SLC1A6: variants seen among roughly 807,000 people sequenced by gnomAD.
The protein encoded by SLC1A6 is solute carrier family 1 member 6.
Under a neutral mutation model 42.1 loss-of-function variants are expected in SLC1A6, and 15 were observed. The observed-to-expected ratio is 0.36, with a 90% CI of 0.24 to 0.55. SLC1A6 has a LOEUF of 0.55. Among genes scored for constraint, SLC1A6 ranks in the 20% least tolerant of loss-of-function variants. The pLI, the probability that SLC1A6 is intolerant of heterozygous loss-of-function variation, is 0.88. For synonymous variants in SLC1A6, 317 were observed against 319.7 expected, an observed-to-expected ratio of 0.99 and a Z score of 0.09; for missense variants, 542 against 772.5, an observed-to-expected ratio of 0.70 and a Z score of 3.54.
At chr19:14,987,848 C>T (rs73514057) in intron 1 of SLC1A6, among the ~76,000 whole-genome samples, 25,454 of 152,032 alleles carry the variant, frequency 0.17, 3,085 homozygotes, top group African/African-American at 0.34. Flanking sequence ...TCGGTTTTGG[C>T]TTTTTTATTT....
rs185845961 is a variant in SLC1A6 at position 14,996,717 on chromosome 19, G to A, written c.6+13768C>T. On this transcript the variant is annotated intron_variant, in intron 1 of 8. Transcript: ENST00000430939. ...CTTCATCTTACTGCTCCACTCTCCTGGCTCTTAGCCTGGTGCCTGACACAG... is the reference window on the plus strand; with the variant it reads ...CTTCATCTTACTGCTCCACTCTCCTAGCTCTTAGCCTGGTGCCTGACACAG... Among the ~76,000 whole-genome samples, 389 of 152,068 alleles carry A rather than the reference G, an allele frequency of 2.6e-3. 3 individuals carry two copies. The highest frequency in any genetic ancestry group is 4.7e-3 in the Non-Finnish European group (320 of 67,996).
intron 1 of SLC1A6, among the ~76,000 whole-genome samples, chr19:15,000,236 C>T (rs1005444159): frequency 9.9e-5 from 15 of 152,064 alleles, no homozygotes; most frequent in African/African-American, 3.6e-4. Flanking sequence ...CAGGATGTAA[C>T]CTTATCATAA....
chr19:14,993,328 C>T (rs747544518), intron 1 of SLC1A6, among the ~76,000 whole-genome samples: 2 of 151,860 alleles, frequency 1.3e-5, no homozygotes, highest in African/African-American at 4.8e-5. Context: ...AGAGGGTTTC[C>T]TTCTGGGGGG....
intron 1 of SLC1A6, among the ~76,000 whole-genome samples, chr19:15,010,148 T>C (rs992654098): frequency 2.4e-4 from 33 of 135,950 alleles, no homozygotes; most frequent in Middle Eastern, 9.2e-3. Context: ...CTCGCACCAC[T>C]GCACTCCAGC....
Position 14,991,840 on chromosome 19 carries a change from CT to C in SLC1A6, c.6+18644del, listed in dbSNP as rs887859176. Among the ~76,000 whole-genome samples the C allele has an allele frequency of 6.7e-3, 735 of 110,074 alleles. 6 individuals are homozygous for C. Among genetic ancestry groups the C allele is most frequent in the African/African-American group, 0.023 (641 of 28,188 alleles). The allele number at this position is 110,074 out of a possible 152,430, so 72.2% of individuals were successfully genotyped here. ...TTCCTACTTTTCCTTCTGCTTTTTT[CT>C]TTTTTTTTTTTTTCTAGAGGGAGTC... On this transcript the variant is annotated intron_variant, in intron 1 of 8. Transcript: ENST00000430939.
Position 14,956,664 on chromosome 19 carries a change from C to T in SLC1A6, c.981G>A (p.Leu327=), listed in dbSNP as rs780980637. ...GILFLIAGKI[L]EMEDMAVLGG... ...CCAGGACGGCCATGTCTTCCATCTC[C>T]AGAATCTTCCCAGCAATCAGGAACA... The change falls in exon 7 of 10, where the codon CTG becomes CTA. Residue 327 remains leucine (L), a synonymous_variant. Transcript: ENST00000594383. 1 of 1,613,872 alleles carries T rather than the reference C, an allele frequency of 6.2e-7. No individual in the cohort carries two copies. Among genetic ancestry groups the T allele is most frequent in the African/African-American group, 1.3e-5 (1 of 75,002 alleles).
rs993487319 is a variant in SLC1A6 at position 14,979,050 on chromosome 19, T to TCTCTCTCTCTCACACATACA, written c.-8+258_-8+259insTGTATGTGTGAGAGAGAGAG. Among the ~76,000 whole-genome samples the TCTCTCTCTCTCACACATACA allele has an allele frequency of 6.9e-5, 9 of 131,298 alleles. No homozygotes were observed. Among genetic ancestry groups the TCTCTCTCTCTCACACATACA allele is most frequent in the African/African-American group, 2.6e-4 (9 of 35,118 alleles). 86.1% of individuals were successfully genotyped at this position (131,298 alleles called of 152,430 possible). On this transcript the variant is annotated intron_variant, in intron 1 of 9. Transcript: ENST00000594383. The surrounding 1 kb of genome is among the most constrained non-coding windows in gnomAD (Gnocchi z 4.2). Reference sequence around the variant, plus strand: ...CAAATTCAGTCTCTCTCTCTCTCTGTCACACACACACACACACACACACAC... The same window carrying TCTCTCTCTCTCACACATACA: ...CAAATTCAGTCTCTCTCTCTCTCTGTCTCTCTCTCTCACACATACACACACACACACACACACACACACAC...
At chr19:14,990,790 A>ACC (rs1555709875) in intron 1 of SLC1A6, among the ~76,000 whole-genome samples, 2,321 of 107,394 alleles carry the variant, frequency 0.022, 65 homozygotes, top group African/African-American at 0.07. Flanking sequence ...ACAAAACAAA[A>ACC]AAAAAAAAAA....
rs2045601347 is a variant in SLC1A6 at position 14,968,587 on chromosome 19, A to G, written c.344-80T>C. 4.0e-6 allele frequency: 5 copies of G among 1,250,196 alleles called. No homozygotes were observed. In the Admixed American group the frequency reaches 9.0e-5, roughly 22 times the overall value. 77.4% of individuals were successfully genotyped at this position (1,250,196 alleles called of 1,614,324 possible). A position where few individuals can be genotyped will look rare whatever the true frequency, so the allele number is the denominator to read the frequency against. On this transcript the variant is annotated intron_variant, in intron 3 of 9. Transcript: ENST00000594383. ...TCCTAGCATCCGTTCCACCCTCCCCATATCACCAACTCAACAGCCGACCCA... is the reference window on the plus strand; with the variant it reads ...TCCTAGCATCCGTTCCACCCTCCCCGTATCACCAACTCAACAGCCGACCCA...
chr19:14,977,228 T>TC (rs1470890078), intron 1 of SLC1A6: 1 of 152,058 alleles, frequency 6.6e-6, no homozygotes, highest in African/African-American at 2.4e-5. Flanking sequence ...TCCTTTCTCT[T>TC]CCTTACAAGA....
At position 14,972,730 on chromosome 19, in the gene SLC1A6, G is replaced by C. The variant is rs756272802; in HGVS notation, c.181C>G (p.Leu61Val). Residue 61 changes from leucine (L) to valine (V), a missense_variant, in exon 2 of 10, where the codon CTG becomes GTG. By Grantham distance (32) the Leu-to-Val change is conservative. Coordinates refer to ENST00000594383, the MANE Select transcript of SLC1A6 (RefSeq NM_005071.3). ...CCAATGACCACGGCGCTGACCGTCA[G>C]CAGAATGAAGGCGTTTCGGCGCAGG... is the stretch of plus-strand genomic sequence containing the variant. ...RFLRRNAFILLTVSAVVIGVS... is the reference protein window; with the variant it reads ...RFLRRNAFILVTVSAVVIGVS... The C allele has an allele frequency of 1.5e-5, 24 of 1,614,014 alleles. No homozygotes were observed. Among genetic ancestry groups the C allele is most frequent in the Non-Finnish European group, 1.9e-5 (23 of 1,180,018 alleles).
At chr19:14,952,345 G>A (rs891790089) in intron 9 of SLC1A6, among the ~76,000 whole-genome samples, 11 of 151,058 alleles carry the variant, frequency 7.3e-5, no homozygotes, top group South Asian at 2.1e-4. Flanking sequence ...TCAGGAGATC[G>A]AGACCATCCT....
rs762419582 is a variant in SLC1A6 at position 14,956,591 on chromosome 19, G to A, written c.1054C>T (p.Leu352Phe). The change falls in exon 7 of 10, where the codon CTC (leucine) becomes TTC (phenylalanine). Residue 352 changes from leucine to phenylalanine, a missense_variant. By Grantham distance (22) the Leu-to-Phe change is conservative. This residue lies in a region of SLC1A6 where 298 missense variants were observed against 419.4 expected (regional missense o/e 0.71). Coordinates refer to ENST00000594383, the MANE Select transcript of SLC1A6 (RefSeq NM_005071.3). ...YTLTVIVGLF[L>F]HAGIVLPLIY... ...AGGGGAAGGACAATGCCGGCATGGA[G>A]GAACAGGCCCACGATGACGGTCAGG... 6.2e-7 allele frequency: 1 copy of A among 1,613,922 alleles called. No homozygotes were observed. The highest frequency in any genetic ancestry group is 8.5e-7 in the Non-Finnish European group (1 of 1,179,910).
chr19:14,950,103 A>G lies in SLC1A6; in HGVS notation c.*92T>C, dbSNP rs2045396209. Reference sequence around the variant, plus strand: ...AATGAGTCAAGCAGAACGTGTGTTCAGCCCACGGTCAGTTGGGCAACAGAT... The same window carrying G: ...AATGAGTCAAGCAGAACGTGTGTTCGGCCCACGGTCAGTTGGGCAACAGAT... On this transcript the variant is annotated 3_prime_UTR_variant, in exon 10 of 10. Transcript: ENST00000594383. 4.5e-6 allele frequency: 4 copies of G among 891,120 alleles called. No individual in the cohort carries two copies. In the South Asian group the frequency reaches 6.6e-5, roughly 15 times the overall value. 55.2% of individuals were successfully genotyped at this position (891,120 alleles called of 1,614,324 possible). A position where few individuals can be genotyped will look rare whatever the true frequency, so the allele number is the denominator to read the frequency against.
intron 1 of SLC1A6, among the ~76,000 whole-genome samples, chr19:15,006,718 G>A (rs1365526979): frequency 4.2e-5 from 6 of 141,254 alleles, no homozygotes; most frequent in East Asian, 2.1e-4. Context: ...AAGGCCAGGA[G>A]ACCAAGACCA....
At chr19:15,003,643 G>A (rs1443080617) in intron 1 of SLC1A6, among the ~76,000 whole-genome samples, 1 of 137,694 alleles carries the variant, frequency 7.3e-6, no homozygotes, top group Non-Finnish European at 1.5e-5. Flanking sequence ...ACAGCGAAGG[G>A]CATCTCCATG....
chr19:14,985,306 T>C (rs1470276970), intron 1 of SLC1A6, among the ~76,000 whole-genome samples: 2 of 152,208 alleles, frequency 1.3e-5, no homozygotes, highest in African/African-American at 4.8e-5. Context: ...CCAAATCTCA[T>C]GTTGAAATGT....
At chr19:14,974,654 T>C (rs948027033) in intron 1 of SLC1A6, 2 of 151,952 alleles carry the variant, frequency 1.3e-5, no homozygotes, top group African/African-American at 2.4e-5. Context: ...AAGAAAAATA[T>C]GTTATTTCAG....
At chr19:14,977,002 T>A (rs2045718104) in intron 1 of SLC1A6, 1 of 143,346 alleles carries the variant, frequency 7.0e-6, no homozygotes, top group South Asian at 2.2e-4. Flanking sequence ...AATGGACCCA[T>A]CTCCTGAAAC....
Sources: allele counts gnomAD v4.1 joint callset (sites outside exome capture counted in the v4.1 genomes callset), GRCh38; gene constraint gnomAD v4.1.1; regional missense constraint gnomAD v4.1.1; non-coding constraint Gnocchi (gnomAD v3.1); transcripts MANE v1.5; gene names NCBI Gene and HGNC (gene_info 2026-07-23, HGNC 2026-07-21).